The following MED27 variants were observed in gnomAD, a reference collection of about 807,000 sequenced individuals.
MED27 encodes the protein mediator of RNA polymerase II transcription subunit 27.
MED27 carries 30 observed loss-of-function variants against 38.2 expected under a neutral mutation model. The observed-to-expected ratio is 0.79, with a 90% confidence interval of 0.59 to 1.07. The LOEUF (loss-of-function observed/expected upper bound fraction) is 1.07. Among genes scored for constraint, MED27 ranks in the 50% least tolerant of loss-of-function variants. The pLI, the probability that MED27 is intolerant of heterozygous loss-of-function variation, is 0.00. For missense variants in MED27, 289 were observed against 397.5 expected (o/e 0.73, Z 2.32); for synonymous variants, 122 against 153.5 (o/e 0.79, Z 1.52).
chr9:132,043,432 A>C (rs1441260577), intron 2 of MED27, among the ~76,000 whole-genome samples: 2 of 152,232 alleles, frequency 1.3e-5, no homozygotes, highest in African/African-American at 4.8e-5. Context: ...GGAGGGGCTC[A>C]TAACACACGC....
chr9:131,971,708 G>A (rs533577049), intron 3 of MED27, among the ~76,000 whole-genome samples: 2 of 152,284 alleles, frequency 1.3e-5, no homozygotes, highest in South Asian at 4.1e-4. Flanking sequence ...GCTAGACTGG[G>A]AGTGGGGGGC....
At chr9:131,911,705 TAGATATAGTCTTTTAGCAA>T (rs1313693575) in intron 4 of MED27, among the ~76,000 whole-genome samples, 1 of 152,236 alleles carries the variant, frequency 6.6e-6, no homozygotes, top group East Asian at 1.9e-4. Context: ...ATATCAACAT[TAGATATAGTCTTTTAGCAA>T]AGATGCAGAG....
At chr9:132,002,932 A>G (rs1441376880) in intron 3 of MED27, among the ~76,000 whole-genome samples, 1 of 151,516 alleles carries the variant, frequency 6.6e-6, no homozygotes, top group African/African-American at 2.4e-5. Flanking sequence ...AAAAAAAGAA[A>G]AAAGAAAAAG....
chr9:131,869,323 T>C (rs1838788589), intron 6 of MED27: 2 of 985,168 alleles, frequency 2.0e-6, no homozygotes, highest in Non-Finnish European at 1.2e-6. Context: ...TTTTTTTGTT[T>C]TACATTTTTC....
At chr9:131,877,476 T>G (rs942484819) in intron 6 of MED27, among the ~76,000 whole-genome samples, 8 of 152,130 alleles carry the variant, frequency 5.3e-5, no homozygotes, top group African/African-American at 1.9e-4. Flanking sequence ...CTCGAGAGGC[T>G]GAGGCAGGAG....
At chr9:132,033,565 T>C (rs995317469) in intron 2 of MED27, among the ~76,000 whole-genome samples, 1 of 152,224 alleles carries the variant, frequency 6.6e-6, no homozygotes, top group African/African-American at 2.4e-5. Flanking sequence ...CTCCATCGAA[T>C]GTCATCAGAG....
intron 2 of MED27, among the ~76,000 whole-genome samples, chr9:132,073,912 A>G (rs1833994818): frequency 1.3e-5 from 2 of 152,204 alleles, no homozygotes; most frequent in Admixed American, 1.3e-4. Context: ...GCAAATATAC[A>G]AGTAGCCTTC....
rs561484973 is a variant in MED27 at position 131,972,750 on chromosome 9, A to G, written c.480-33276T>C. On this transcript the variant is annotated intron_variant, in intron 3 of 7. Coordinates refer to ENST00000292035, the MANE Select transcript of MED27 (RefSeq NM_004269.4). ...TGTTATACCAAAAAGGCTAATCCCA[A>G]CACAGAGTAACCTACAGAGTTTGCC... Among the ~76,000 whole-genome samples, 4 of 152,330 alleles carry G rather than the reference A, an allele frequency of 2.6e-5. No individual in the cohort carries two copies. In the South Asian group the frequency reaches 8.3e-4, roughly 32 times the overall value.
intron 4 of MED27, among the ~76,000 whole-genome samples, chr9:131,908,873 T>C (rs929062315): frequency 3.4e-5 from 3 of 88,506 alleles, no homozygotes; most frequent in African/African-American, 6.8e-5. Context: ...GAATGATCAA[T>C]TAAAAAAAAA....
At chr9:131,891,693 A>C (rs4579577) in intron 5 of MED27, among the ~76,000 whole-genome samples, 82,865 of 151,828 alleles carry the variant, frequency 0.55, 24,588 homozygotes, top group Non-Finnish European at 0.67. Context: ...GAGATGGCAA[A>C]AAGAAAGAGA....
chr9:132,041,014 C>T lies in MED27; in HGVS notation c.349-26547G>A, dbSNP rs1833198464. On this transcript the variant is annotated intron_variant, in intron 2 of 7. Coordinates refer to ENST00000292035, the MANE Select transcript of MED27 (RefSeq NM_004269.4). ...CAATTTATCTGGAAGCAGTGCAACACAGCAGCCCTGCTGGCAGCTGTCATC... is the reference window on the plus strand; with the variant it reads ...CAATTTATCTGGAAGCAGTGCAACATAGCAGCCCTGCTGGCAGCTGTCATC... Among the ~76,000 whole-genome samples the T allele has an allele frequency of 2.6e-5, 4 of 152,194 alleles. No homozygotes were observed. In the South Asian group the frequency reaches 8.3e-4, roughly 31 times the overall value.
chr9:132,014,305 T>A (rs1164189766), intron 3 of MED27, 32 bp downstream of exon 3: 3 of 1,601,908 alleles, frequency 1.9e-6, no homozygotes, highest in Non-Finnish European at 2.6e-6. Context: ...GTTCACCCAG[T>A]ACTAAAGTAA....
rs1202204721 is a variant in MED27 at position 131,913,322 on chromosome 9, C to T, written c.574-19330G>A. 6.6e-6 allele frequency among the ~76,000 whole-genome samples: 1 copy of T among 152,162 alleles called. No individual in the cohort carries two copies. The highest frequency in any genetic ancestry group is 1.5e-5 in the Non-Finnish European group (1 of 68,030). On this transcript the variant is annotated intron_variant, in intron 4 of 7. Coordinates refer to ENST00000292035, the MANE Select transcript of MED27 (RefSeq NM_004269.4). This position sits in a 1 kb window ranked among gnomAD's most constrained non-coding sequence, Gnocchi z 4.5. ...ATTTCATGGATCTCACTTCAAATCCCAGCTGTACCACTTAATGTGACCTTG... is the reference window on the plus strand; with the variant it reads ...ATTTCATGGATCTCACTTCAAATCCTAGCTGTACCACTTAATGTGACCTTG...
At chr9:131,910,268 G>A (rs566934834) in intron 4 of MED27, among the ~76,000 whole-genome samples, 1 of 152,128 alleles carries the variant, frequency 6.6e-6, no homozygotes, top group African/African-American at 2.4e-5. Context: ...TAAATTATAG[G>A]AATGTATTAT....
intron 3 of MED27, among the ~76,000 whole-genome samples, chr9:131,972,562 C>T (rs1398175637): frequency 6.6e-6 from 1 of 152,188 alleles, no homozygotes; most frequent in Non-Finnish European, 1.5e-5. Context: ...TAGTAAATGT[C>T]CAATGAATGA....
At chr9:132,029,027 C>T (rs577263867) in intron 2 of MED27, among the ~76,000 whole-genome samples, 1 of 152,340 alleles carries the variant, frequency 6.6e-6, no homozygotes, top group Non-Finnish European at 1.5e-5. Context: ...AGACAAGTCA[C>T]GGTCAACTAA....
At chr9:131,930,152 A>G (rs1830558822) in intron 4 of MED27, among the ~76,000 whole-genome samples, 1 of 152,236 alleles carries the variant, frequency 6.6e-6, no homozygotes, top group African/African-American at 2.4e-5. Flanking sequence ...CATTGGTCTT[A>G]AAGAGGAGGT....
intron 3 of MED27, among the ~76,000 whole-genome samples, chr9:131,966,553 AAAC>A (rs1291984885): frequency 2.6e-5 from 4 of 152,076 alleles, no homozygotes; most frequent in Non-Finnish European, 4.4e-5. Flanking sequence ...CTAACATAAA[AAAC>A]AACAAGTTTA....
At chr9:131,894,095 TTCA>T in intron 4 of MED27, 103 bp from the exon 5 acceptor site, 1 of 776,680 alleles carries the variant, frequency 1.3e-6, no homozygotes, top group Non-Finnish European at 2.3e-6. Context: ...TGAGACTGGA[TTCA>T]TGGTGCTGGC....
Sources: allele counts gnomAD v4.1 joint callset (sites outside exome capture counted in the v4.1 genomes callset), GRCh38; gene constraint gnomAD v4.1.1; non-coding constraint Gnocchi (gnomAD v3.1); transcripts MANE v1.5; gene names NCBI Gene and HGNC (gene_info 2026-07-23, HGNC 2026-07-21).